The following TRAPPC12 variants were observed in gnomAD, a reference collection of about 807,000 sequenced individuals.
TRAPPC12 encodes the protein TPR repeat protein 15.
TRAPPC12 carries 61 observed loss-of-function variants against 69.2 expected under a neutral mutation model. The ratio of observed to expected loss-of-function variants is 0.88; its 90% confidence interval spans 0.72 to 1.09. The LOEUF (loss-of-function observed/expected upper bound fraction) is 1.09, where lower values mean the gene tolerates loss of function less well. Among genes scored for constraint, TRAPPC12 ranks in the 50% least tolerant of loss-of-function variants. The probability of loss-of-function intolerance (pLI) is 0.00; values close to 1 mark genes in which losing one functional copy is unlikely to be tolerated. For synonymous variants in TRAPPC12, 469 were observed against 438.9 expected (o/e 1.07, Z -0.86); for missense variants, 1,101 against 1,016.4 (o/e 1.08, Z -1.13).
intron 6 of TRAPPC12, chr2:3,455,110 C>T (rs992565902): frequency 1.5e-4 from 23 of 152,266 alleles, no homozygotes; most frequent in Admixed American, 1.2e-3. Flanking sequence ...CTCCGCTGAC[C>T]AGGGCGCTGT....
chr2:3,469,093 A>C (rs139661055), intron 9 of TRAPPC12, among the ~76,000 whole-genome samples: 3,007 of 151,892 alleles, frequency 0.02, 61 homozygotes, highest in Admixed American at 0.067. Context: ...CTTTAAACTC[A>C]GAGTGTTCAG....
At chr2:3,411,656 T>C (rs77444259) in intron 3 of TRAPPC12, among the ~76,000 whole-genome samples, 4 of 152,250 alleles carry the variant, frequency 2.6e-5, no homozygotes, top group Non-Finnish European at 5.9e-5. Context: ...GTATTATATA[T>C]TTAGCATTTC....
chr2:3,476,401 C>T (rs1369322407), intron 9 of TRAPPC12, among the ~76,000 whole-genome samples: 1 of 152,196 alleles, frequency 6.6e-6, no homozygotes, highest in East Asian at 1.9e-4. Flanking sequence ...GCCCTGATTC[C>T]TCAGGGTCTT....
intron 5 of TRAPPC12, among the ~76,000 whole-genome samples, chr2:3,442,327 G>T (rs371311978): frequency 2.0e-5 from 3 of 152,322 alleles, no homozygotes; most frequent in African/African-American, 7.2e-5. Context: ...CCACACAGGA[G>T]TGATTCTGGC....
At chr2:3,455,240 T>A (rs1238699221) in intron 6 of TRAPPC12, 1 of 152,240 alleles carries the variant, frequency 6.6e-6, no homozygotes, top group East Asian at 1.9e-4. Context: ...AAATTTTAAT[T>A]TTTGTAGATA....
intron 6 of TRAPPC12, 69 bp from the exon 7 acceptor site, chr2:3,457,552 T>G (rs1187286352): frequency 5.5e-6 from 7 of 1,283,464 alleles, no homozygotes; most frequent in Non-Finnish European, 6.7e-6. Context: ...ACTGAGATTA[T>G]ATTATAACAA....
At chr2:3,380,615 T>C (rs1247307206) in intron 1 of TRAPPC12, among the ~76,000 whole-genome samples, 1 of 152,176 alleles carries the variant, frequency 6.6e-6, no homozygotes, top group African/African-American at 2.4e-5. Flanking sequence ...ATTCAGAAGA[T>C]AGTGGCGGAT....
At position 3,409,230 on chromosome 2, in the gene TRAPPC12, G is replaced by A. The variant is rs187702994; in HGVS notation, c.1164+7337G>A. ...TATGATAGCAAAGCCTGACCTCAGCGAGGAGAGACAGTTATGGTCTCAGTT... is the reference window on the plus strand; with the variant it reads ...TATGATAGCAAAGCCTGACCTCAGCAAGGAGAGACAGTTATGGTCTCAGTT... On this transcript the variant is annotated intron_variant, in intron 3 of 11. Coordinates refer to ENST00000324266, the MANE Select transcript of TRAPPC12 (RefSeq NM_016030.6). Among the ~76,000 whole-genome samples, 157 of 152,320 alleles carry A rather than the reference G, an allele frequency of 1.0e-3. 1 individual carries two copies. Among genetic ancestry groups the A allele is most frequent in the African/African-American group, 3.6e-3 (148 of 41,570 alleles).
At chr2:3,401,254 T>C (rs115377385) in intron 2 of TRAPPC12, among the ~76,000 whole-genome samples, 1 of 152,300 alleles carries the variant, frequency 6.6e-6, no homozygotes, top group African/African-American at 2.4e-5. Flanking sequence ...TTAACTTCTT[T>C]AGCCCTAGCC....
Position 3,387,799 on chromosome 2 carries a change from C to T in TRAPPC12, c.176C>T (p.Ala59Val), listed in dbSNP as rs372611768. 2.4e-5 allele frequency: 39 copies of T among 1,613,378 alleles called. No individual in the cohort carries two copies. Among genetic ancestry groups the T allele is most frequent in the African/African-American group, 5.3e-5 (4 of 74,918 alleles). ...ETASEGSSPLADKLNEHMMES... is the reference protein window; with the variant it reads ...ETASEGSSPLVDKLNEHMMES... ...GCATCGGAAGGCTCGAGTCCTCTCG[C>T]GGACAAGCTGAACGAACACATGATG... Residue 59 changes from alanine (A) to valine (V), a missense_variant, in exon 2 of 12, where the codon GCG becomes GTG. By Grantham distance (64) the Ala-to-Val change is moderately conservative. Transcript: ENST00000324266.
intron 2 of TRAPPC12, 55 bp from the exon 3 acceptor site, chr2:3,401,722 C>T: frequency 8.0e-7 from 1 of 1,252,886 alleles, no homozygotes; most frequent in Non-Finnish European, 1.1e-6. Context: ...TTCTGGTTAG[C>T]TGAGTTTAGT....
At position 3,397,807 on chromosome 2, in the gene TRAPPC12, A is replaced by G. The variant is rs1260996102; in HGVS notation, c.1048-3970A>G. Among the ~76,000 whole-genome samples the G allele has an allele frequency of 2.0e-5, 3 of 152,328 alleles. No individual in the cohort carries two copies. In the East Asian group the frequency reaches 5.8e-4, roughly 29 times the overall value. On this transcript the variant is annotated intron_variant, in intron 2 of 11. Transcript: ENST00000324266. ...ATTGTTGTTAATAATTTAGCAAAAT[A>G]AGAATGTTGGGAAAGCATATTTGAG...
intron 6 of TRAPPC12, among the ~76,000 whole-genome samples, chr2:3,445,378 CTG>C (rs1302012362): frequency 6.6e-6 from 1 of 152,092 alleles, no homozygotes; most frequent in African/African-American, 2.4e-5. Flanking sequence ...GAGCAAGACT[CTG>C]TCTCAAAAAA....
At chr2:3,464,393 C>T (rs1166664013) in intron 8 of TRAPPC12, among the ~76,000 whole-genome samples, 3 of 147,144 alleles carry the variant, frequency 2.0e-5, no homozygotes, top group East Asian at 2.2e-4. Flanking sequence ...TTCCTTCCTA[C>T]CAAACTGGAA....
In TRAPPC12 at chr2:3,478,951, C is replaced by T. The variant is rs13003061; in HGVS notation, c.1965+18C>T. ...ACGCAGTGGTAAGATCCCCAAGCTG[C>T]AGGATCCTCCATCCTCTGCCTTTCA... On this transcript the variant is annotated intron_variant, in intron 11 of 11. Transcript: ENST00000324266. 185,715 of 1,609,278 alleles carry T rather than the reference C, an allele frequency of 0.12. 11,435 individuals carry two copies. Among genetic ancestry groups the T allele is most frequent in the Middle Eastern group, 0.15 (897 of 6,046 alleles).
chr2:3,462,058 T>TG (rs558393999), intron 8 of TRAPPC12, among the ~76,000 whole-genome samples: 99 of 152,360 alleles, frequency 6.5e-4, no homozygotes, highest in Non-Finnish European at 1.2e-3. Context: ...TGCAAAGACA[T>TG]GAAGAATCAA....
Position 3,477,285 on chromosome 2 carries a change from G to A in TRAPPC12, c.1777-410G>A, listed in dbSNP as rs553500228. On this transcript the variant is annotated intron_variant, in intron 9 of 11. Coordinates refer to ENST00000324266, the MANE Select transcript of TRAPPC12 (RefSeq NM_016030.6). ...TACTTTGCAATTTGCAAATGTGGTG[G>A]CACCTACCATTTTACTAGCCACAAG... Among the ~76,000 whole-genome samples, 26 of 152,320 alleles carry A rather than the reference G, an allele frequency of 1.7e-4. 1 individual carries two copies. In the South Asian group the frequency reaches 5.4e-3, roughly 32 times the overall value.
chr2:3,466,614 T>C (rs1414575487), intron 9 of TRAPPC12, among the ~76,000 whole-genome samples: 1 of 152,214 alleles, frequency 6.6e-6, no homozygotes, highest in Non-Finnish European at 1.5e-5. Flanking sequence ...ACACATGCAC[T>C]GACACACGTA....
At chr2:3,464,243 G>T (rs1219639561) in intron 8 of TRAPPC12, among the ~76,000 whole-genome samples, 1 of 152,192 alleles carries the variant, frequency 6.6e-6, no homozygotes, top group Non-Finnish European at 1.5e-5. Flanking sequence ...GAGACAGGCA[G>T]CAGGAAGGCG....
Sources: gnomAD v4.1 joint callset for allele counts (sites outside exome capture counted in the v4.1 genomes callset) on GRCh38, gnomAD v4.1.1 for gene constraint, MANE v1.5 for transcripts, NCBI Gene and HGNC (gene_info 2026-07-23, HGNC 2026-07-21) for gene names.